ROBO2: variants seen among roughly 807,000 people sequenced by gnomAD.
ROBO2 encodes roundabout homolog 2.
Under a neutral mutation model 160.8 loss-of-function variants are expected in ROBO2, and 53 were observed. That is an observed-to-expected ratio of 0.33 (90% confidence interval 0.26 to 0.41). The LOEUF (loss-of-function observed/expected upper bound fraction) is 0.41. ROBO2 is among the 10% of genes least tolerant of loss of function. The pLI is 1.00. For synonymous variants in ROBO2, 664 were observed against 611.7 expected, an observed-to-expected ratio of 1.09 and a Z score of -1.26; for missense variants, 1,577 against 1,722.4, an observed-to-expected ratio of 0.92 and a Z score of 1.49.
intron 5 of ROBO2, among the ~76,000 whole-genome samples, chr3:77,519,789 T>C (rs1006389649): frequency 9.9e-5 from 15 of 151,464 alleles, no homozygotes; most frequent in Admixed American, 9.3e-4. Context: ...CTTTTGGGTA[T>C]ATACACGGTA....
At chr3:77,598,634 C>T (rs1296808118) in intron 19 of ROBO2, among the ~76,000 whole-genome samples, 5 of 151,370 alleles carry the variant, frequency 3.3e-5, no homozygotes, top group African/African-American at 4.9e-5. Context: ...CTTCCTCTTC[C>T]GCTTCTGCAA....
intron 2 of ROBO2, among the ~76,000 whole-genome samples, chr3:76,295,983 C>G (rs367933254): frequency 2.6e-5 from 4 of 152,102 alleles, no homozygotes; most frequent in Admixed American, 2.6e-4. Flanking sequence ...TTTTCATCTG[C>G]GTAGGCTGAA....
intron 2 of ROBO2, among the ~76,000 whole-genome samples, chr3:75,950,893 G>A (rs2107185023): frequency 6.6e-6 from 1 of 152,180 alleles, no homozygotes; most frequent in Middle Eastern, 3.4e-3. Flanking sequence ...GACAGGATAG[G>A]CTGTGGTCAA....
intron 2 of ROBO2, among the ~76,000 whole-genome samples, chr3:75,998,985 G>T (rs915447066): frequency 6.6e-6 from 1 of 152,124 alleles, no homozygotes; most frequent in Non-Finnish European, 1.5e-5. Flanking sequence ...AGTCGTGATT[G>T]TTAATATGTC....
At chr3:77,504,781 T>G (rs13059728) in intron 5 of ROBO2, among the ~76,000 whole-genome samples, 110,109 of 152,094 alleles carry the variant, frequency 0.72, 40,101 homozygotes, top group East Asian at 0.81. Flanking sequence ...TTTTAGTAGG[T>G]AGTGTGAGAT....
chr3:76,216,450 A>C (rs1703536999), intron 2 of ROBO2, among the ~76,000 whole-genome samples: 1 of 152,188 alleles, frequency 6.6e-6, no homozygotes, highest in African/African-American at 2.4e-5. Context: ...GCTCAAAATA[A>C]AGGGATGGAG....
At chr3:75,956,613 T>C (rs771702040) in intron 2 of ROBO2, among the ~76,000 whole-genome samples, 4 of 151,728 alleles carry the variant, frequency 2.6e-5, no homozygotes, top group Non-Finnish European at 4.4e-5. Context: ...CCTGGAAATA[T>C]CAATCACTGG....
At chr3:76,217,540 C>T (rs903110288) in intron 2 of ROBO2, among the ~76,000 whole-genome samples, 56 of 152,176 alleles carry the variant, frequency 3.7e-4, no homozygotes, top group African/African-American at 1.1e-3. Flanking sequence ...AAAACCTCTA[C>T]GCAAATAAAC....
chr3:77,296,499 T>G (rs112579498), intron 2 of ROBO2, among the ~76,000 whole-genome samples: 1 of 152,160 alleles, frequency 6.6e-6, no homozygotes, highest in East Asian at 1.9e-4. Context: ...GTTTTTTGTT[T>G]GTCTTGTTTT....
At position 76,008,833 on chromosome 3, in the gene ROBO2, A is replaced by G. The variant is rs553842191; in HGVS notation, c.109+71231A>G. Reference sequence around the variant, plus strand: ...AAAGCATACGTATTTGTTTAATGTAAATTTTACATGACATGTGGACCTTCA... The same window carrying G: ...AAAGCATACGTATTTGTTTAATGTAGATTTTACATGACATGTGGACCTTCA... On this transcript the variant is annotated intron_variant, in intron 2 of 26. Coordinates refer to the ROBO2 transcript ENST00000487694. Among the ~76,000 whole-genome samples the G allele has an allele frequency of 5.9e-5, 9 of 152,232 alleles. No individual in the cohort carries two copies. In the South Asian group the frequency reaches 1.9e-3, roughly 32 times the overall value.
intron 2 of ROBO2, among the ~76,000 whole-genome samples, chr3:77,159,120 A>G (rs1396705666): frequency 6.6e-6 from 1 of 151,614 alleles, no homozygotes; most frequent in East Asian, 1.9e-4. Context: ...TTAAAATCTC[A>G]TTGATAGATT....
At chr3:76,273,171 C>A (rs1406845590) in intron 2 of ROBO2, among the ~76,000 whole-genome samples, 1 of 128,896 alleles carries the variant, frequency 7.8e-6, no homozygotes, top group Non-Finnish European at 1.6e-5. Context: ...GGAAACTCAT[C>A]TTTTTTATTT....
chr3:77,004,887 C>CTGTG (rs1176694905), intron 2 of ROBO2, among the ~76,000 whole-genome samples: 1 of 152,150 alleles, frequency 6.6e-6, no homozygotes, highest in Non-Finnish European at 1.5e-5. Context: ...CCCAGAATTA[C>CTGTG]CACGCCTCGC....
chr3:77,250,652 A>C (rs73103923), intron 2 of ROBO2, among the ~76,000 whole-genome samples: 1 of 152,208 alleles, frequency 6.6e-6, no homozygotes, highest in Non-Finnish European at 1.5e-5. Flanking sequence ...GTAATTTACA[A>C]TGAAGAGAAA....
chr3:76,392,403 GT>G (rs1197280930), intron 2 of ROBO2, among the ~76,000 whole-genome samples: 1 of 152,086 alleles, frequency 6.6e-6, no homozygotes, highest in African/African-American at 2.4e-5. Context: ...TGTACAAATT[GT>G]TTTGGTTTAT....
At chr3:76,724,406 G>A (rs1448989027) in intron 2 of ROBO2, among the ~76,000 whole-genome samples, 1 of 152,100 alleles carries the variant, frequency 6.6e-6, no homozygotes, top group Non-Finnish European at 1.5e-5. Context: ...AGAACAGCTG[G>A]CAACTATTTC....
chr3:76,948,157 T>C (rs1320272285), intron 2 of ROBO2, among the ~76,000 whole-genome samples: 2 of 152,218 alleles, frequency 1.3e-5, no homozygotes, highest in Non-Finnish European at 2.9e-5. Context: ...CTAGCTTTAT[T>C]ATTCATGTTG....
intron 2 of ROBO2, among the ~76,000 whole-genome samples, chr3:76,307,133 G>A (rs1214692645): frequency 6.6e-6 from 1 of 152,180 alleles, no homozygotes; most frequent in Non-Finnish European, 1.5e-5. Context: ...GCAGTTCCTG[G>A]AAGGGGACAG....
At chr3:77,316,440 A>G (rs1560516174) in intron 2 of ROBO2, among the ~76,000 whole-genome samples, 1 of 152,156 alleles carries the variant, frequency 6.6e-6, no homozygotes, top group Non-Finnish European at 1.5e-5. Flanking sequence ...AATTTACTCA[A>G]TATGAATTTA....
Sources: gnomAD v4.1 joint callset for allele counts (sites outside exome capture counted in the v4.1 genomes callset) on GRCh38, gnomAD v4.1.1 for gene constraint, MANE v1.5 for transcripts, NCBI Gene and HGNC (gene_info 2026-07-23, HGNC 2026-07-21) for gene names.